Variants in DTWD2 observed in about 807,000 individuals in gnomAD.
DTWD2 encodes tRNA-uridine aminocarboxypropyltransferase 2.
Under a neutral mutation model 31.8 loss-of-function variants are expected in DTWD2, and 39 were observed. The ratio of observed to expected loss-of-function variants is 1.22; its 90% CI spans 0.95 to 1.60. The LOEUF (loss-of-function observed/expected upper bound fraction) is 1.60. DTWD2 is among the 40% of genes most tolerant of loss of function. The pLI, the probability that DTWD2 is intolerant of heterozygous loss-of-function variation, is 0.00. For synonymous variants in DTWD2, 180 were observed against 142.8 expected (o/e 1.26, Z -1.86); for missense variants, 515 against 381.5 (o/e 1.35, Z -2.92).
chr5:118,939,309 T>G lies in DTWD2; in HGVS notation c.310-19A>C, dbSNP rs770297048. On this transcript the variant is annotated intron_variant, in intron 2 of 5. Transcript: ENST00000510708. Reference sequence around the variant, plus strand: ...TGTTTTCCTTTAATTAAAAAATGAATTGAAACATAGATTTTTACTTAGATA... The same window carrying G: ...TGTTTTCCTTTAATTAAAAAATGAAGTGAAACATAGATTTTTACTTAGATA... 2 of 1,543,844 alleles carry G rather than the reference T, an allele frequency of 1.3e-6. No individual in the cohort carries two copies. Among genetic ancestry groups the G allele is most frequent in the Non-Finnish European group, 1.7e-6 (2 of 1,144,136 alleles).
chr5:118,913,495 T>C (rs1024521299), intron 4 of DTWD2, among the ~76,000 whole-genome samples: 9 of 149,474 alleles, frequency 6.0e-5, no homozygotes, highest in Non-Finnish European at 1.3e-4. Flanking sequence ...TCAGTGAGTA[T>C]GGTCTATAGA....
At chr5:118,948,740 G>A (rs937426766) in intron 1 of DTWD2, among the ~76,000 whole-genome samples, 2 of 152,164 alleles carry the variant, frequency 1.3e-5, no homozygotes, top group African/African-American at 4.8e-5. Flanking sequence ...AATGAAAAGG[G>A]TTGGGATTAG....
chr5:118,870,827 C>T (rs1417117684), intron 4 of DTWD2, among the ~76,000 whole-genome samples: 1 of 152,064 alleles, frequency 6.6e-6, no homozygotes, highest in African/African-American at 2.4e-5. Flanking sequence ...GCATTTTACA[C>T]ACAGGAGAAC....
Position 118,839,012 on chromosome 5 carries a change from A to G in DTWD2, c.*1905T>C, listed in dbSNP as rs572687838. On this transcript the variant is annotated 3_prime_UTR_variant, in exon 6 of 6. Coordinates refer to ENST00000510708, the MANE Select transcript of DTWD2 (RefSeq NM_173666.4). ...CCCATCTCTACTAAAAATACAAAAA[A>G]TTAGCCGGGCGTGGTGGTGGGCACC... 1 of 152,130 alleles carries G rather than the reference A, an allele frequency of 6.6e-6. No homozygotes were observed. The highest frequency in any genetic ancestry group is 1.5e-5 in the Non-Finnish European group (1 of 68,102). 9.4% of individuals were successfully genotyped at this position (152,130 alleles called of 1,614,324 possible). A position where few individuals can be genotyped will look rare whatever the true frequency, so the allele number is the denominator to read the frequency against.
intron 1 of DTWD2, among the ~76,000 whole-genome samples, chr5:118,982,845 C>T (rs922910249): frequency 1.0e-3 from 157 of 151,872 alleles, no homozygotes; most frequent in African/African-American, 3.5e-3. Context: ...CTCACCACCA[C>T]GCCCGGCTAA....
chr5:118,941,538 A>G (rs1314133198), intron 2 of DTWD2, among the ~76,000 whole-genome samples: 16 of 152,192 alleles, frequency 1.1e-4, no homozygotes, highest in Admixed American at 1.0e-3. Context: ...ATAGTATTCC[A>G]TGGTGTATAT....
chr5:118,981,975 T>C (rs1355187242), intron 1 of DTWD2, among the ~76,000 whole-genome samples: 16 of 152,196 alleles, frequency 1.1e-4, no homozygotes, highest in Non-Finnish European at 1.5e-5. Flanking sequence ...TTCATTATTA[T>C]GTGGTGTAGC....
chr5:118,875,844 C>T (rs1011778618), intron 4 of DTWD2, among the ~76,000 whole-genome samples: 7 of 152,170 alleles, frequency 4.6e-5, no homozygotes, highest in African/African-American at 1.4e-4. Context: ...CTGAACTCAG[C>T]ACTGGATCGA....
chr5:118,909,693 A>G (rs1414218312), intron 4 of DTWD2, among the ~76,000 whole-genome samples: 1 of 152,198 alleles, frequency 6.6e-6, no homozygotes. Context: ...ATAAGCACAG[A>G]TAAGAGTCCA....
chr5:118,965,399 C>G (rs1219856950), intron 1 of DTWD2, among the ~76,000 whole-genome samples: 2 of 151,960 alleles, frequency 1.3e-5, no homozygotes, highest in South Asian at 2.1e-4. Context: ...GCCCCTCTGC[C>G]CGGCCGCCAC....
intron 1 of DTWD2, among the ~76,000 whole-genome samples, chr5:118,964,811 C>A (rs1172085927): frequency 6.6e-6 from 1 of 152,208 alleles, no homozygotes. Flanking sequence ...TCCCAGCCGC[C>A]TGCCTTGGCC....
rs750076326 is a variant in DTWD2, at chr5:118,988,295, T to A, written c.217A>T (p.Ser73Cys). 6.6e-7 allele frequency: 1 copy of A among 1,522,322 alleles called. No homozygotes were observed. Among genetic ancestry groups the A allele is most frequent in the South Asian group, 1.2e-5 (1 of 80,866 alleles). 94.3% of individuals were successfully genotyped at this position (1,522,322 alleles called of 1,614,324 possible). A position where few individuals can be genotyped will look rare whatever the true frequency, so the allele number is the denominator to read the frequency against. ...CCCCGCCCCCAGCCCCGCGGTCACC[T>A]GCAGCGGGTGCACTCAGGCCTCCGC... ...AERRPECTRC[S>C]RPQKVCLCPF... is the part of the protein sequence containing the mutation. The change falls in exon 1 of 6, where the codon AGC (serine) becomes TGC (cysteine). Residue 73 changes from serine to cysteine, a missense_variant and splice_region_variant. Transcript: ENST00000510708.
At chr5:118,913,392 T>TATATATAGATATATATAGATATATATAG (rs1753502251) in intron 4 of DTWD2, among the ~76,000 whole-genome samples, 1 of 136,512 alleles carries the variant, frequency 7.3e-6, no homozygotes, top group Non-Finnish European at 1.6e-5. Context: ...ATGAACCATA[T>TATATATAGATATATATAGATATATATAG]ATATATAGAT....
chr5:118,985,335 A>C (rs1459226453), intron 1 of DTWD2, among the ~76,000 whole-genome samples: 2 of 151,776 alleles, frequency 1.3e-5, no homozygotes, highest in Non-Finnish European at 2.9e-5. Context: ...GTCACTTCCA[A>C]GATTTCCCAG....
At chr5:118,974,985 T>C (rs1178753782) in intron 1 of DTWD2, among the ~76,000 whole-genome samples, 2 of 152,206 alleles carry the variant, frequency 1.3e-5, no homozygotes, top group East Asian at 3.8e-4. Context: ...CCTTGGTGAA[T>C]CTGATGATTA....
chr5:118,934,460 AT>A (rs1373672748), intron 3 of DTWD2, among the ~76,000 whole-genome samples: 8 of 151,882 alleles, frequency 5.3e-5, no homozygotes, highest in Admixed American at 4.6e-4. Context: ...ATGGAATTAT[AT>A]TTTTATAAGG....
chr5:118,961,572 T>C (rs1434132872), intron 1 of DTWD2, among the ~76,000 whole-genome samples: 1 of 152,228 alleles, frequency 6.6e-6, no homozygotes, highest in African/African-American at 2.4e-5. Flanking sequence ...TTATTCAAAC[T>C]GAGCCTGCCG....
intron 5 of DTWD2, among the ~76,000 whole-genome samples, chr5:118,843,552 A>T (rs1257544959): frequency 6.6e-6 from 1 of 152,224 alleles, no homozygotes; most frequent in Non-Finnish European, 1.5e-5. Flanking sequence ...ACCACAGTGG[A>T]CTGTATTCTG....
chr5:118,859,509 T>C (rs1441317834), intron 4 of DTWD2, among the ~76,000 whole-genome samples: 2 of 152,202 alleles, frequency 1.3e-5, no homozygotes, highest in African/African-American at 4.8e-5. Flanking sequence ...AATTATCCCA[T>C]CTTATGGATC....
Sources: allele counts gnomAD v4.1 joint callset (sites outside exome capture counted in the v4.1 genomes callset), GRCh38; gene constraint gnomAD v4.1.1; transcripts MANE v1.5; gene names NCBI Gene and HGNC (gene_info 2026-07-23, HGNC 2026-07-21).